GCNT2: variants seen among roughly 807,000 people sequenced by gnomAD.
The protein encoded by GCNT2 is N-acetyllactosaminide beta-1,6-N-acetylglucosaminyl-transferase.
In GCNT2, 34 loss-of-function variants were observed where a neutral mutation model predicts 34.2. That is an observed-to-expected ratio of 1.00 (90% confidence interval 0.76 to 1.32). The LOEUF (loss-of-function observed/expected upper bound fraction) is 1.32, where lower values mean the gene tolerates loss of function less well. Ranked by LOEUF, GCNT2 falls within the 40% of genes most tolerant of loss-of-function variation. The pLI, the probability that GCNT2 is intolerant of heterozygous loss-of-function variation, is 0.00. For missense variants in GCNT2, 584 were observed against 489.4 expected, an observed-to-expected ratio of 1.19 and a Z score of -1.82; for synonymous variants, 212 against 188.0, an observed-to-expected ratio of 1.13 and a Z score of -1.04.
intron 4 of GCNT2, among the ~76,000 whole-genome samples, chr6:10,626,081 T>A (rs1298427624): frequency 6.6e-6 from 1 of 152,206 alleles, no homozygotes; most frequent in Non-Finnish European, 1.5e-5. Flanking sequence ...TTACTGTACA[T>A]GAATGACCTT....
chr6:10,584,051 G>T (rs1226674133), intron 3 of GCNT2, among the ~76,000 whole-genome samples: 9 of 152,196 alleles, frequency 5.9e-5, no homozygotes, highest in African/African-American at 2.2e-4. Context: ...GGCCCTGGGG[G>T]ACCGGCGCTT....
intron 3 of GCNT2, among the ~76,000 whole-genome samples, chr6:10,551,911 C>G (rs1239921860): frequency 6.6e-6 from 1 of 151,914 alleles, no homozygotes; most frequent in African/African-American, 2.4e-5. Context: ...GTGCCCGCCA[C>G]CATGCCCAGC....
chr6:10,522,924 T>C (rs563712131), intron 1 of GCNT2, among the ~76,000 whole-genome samples: 2 of 152,254 alleles, frequency 1.3e-5, no homozygotes, highest in African/African-American at 4.8e-5. Flanking sequence ...ACAGTAAAAT[T>C]AGACTTAAAA....
At chr6:10,596,221 G>T (rs762889235) in intron 3 of GCNT2, among the ~76,000 whole-genome samples, 5 of 152,080 alleles carry the variant, frequency 3.3e-5, no homozygotes, top group Admixed American at 6.6e-5. Context: ...GGCAGAATGC[G>T]GTTTGTTAAG....
chr6:10,563,652 G>A (rs1438716518), intron 3 of GCNT2, among the ~76,000 whole-genome samples: 1 of 151,146 alleles, frequency 6.6e-6, no homozygotes, highest in Non-Finnish European at 1.5e-5. Context: ...TGAGGCAGGA[G>A]AATCGCTTGA....
intron 3 of GCNT2, among the ~76,000 whole-genome samples, chr6:10,547,035 A>T (rs1283964936): frequency 2.0e-5 from 3 of 152,230 alleles, no homozygotes; most frequent in Admixed American, 6.5e-5. Flanking sequence ...ATTTCCTTTG[A>T]CCTTTTATTT....
At chr6:10,521,691 G>A (rs1760923570) in intron 1 of GCNT2, 1 of 150,106 alleles carries the variant, frequency 6.7e-6, no homozygotes, top group African/African-American at 2.5e-5. Flanking sequence ...TTTGTATGTT[G>A]TTTCATTACA....
rs573552933 is a variant in GCNT2 at position 10,548,403 on chromosome 6, G to A, written c.925+18567G>A. Among the ~76,000 whole-genome samples the A allele has an allele frequency of 1.2e-3, 182 of 152,258 alleles. 4 individuals are homozygous for A. The Middle Eastern group carries it at 0.054, about 46-fold the overall frequency. ...AGAGCAAGAGCTTGGGAACAAAGCCGTTCACATTCAGGTCTTGGGTCAGCC... is the reference window on the plus strand; with the variant it reads ...AGAGCAAGAGCTTGGGAACAAAGCCATTCACATTCAGGTCTTGGGTCAGCC... On this transcript the variant is annotated intron_variant, in intron 3 of 4. Transcript: ENST00000495262.
intron 3 of GCNT2, among the ~76,000 whole-genome samples, chr6:10,566,974 T>A (rs1455195818): frequency 6.6e-6 from 1 of 152,212 alleles, no homozygotes; most frequent in Non-Finnish European, 1.5e-5. Flanking sequence ...ACATAGCTCG[T>A]CTGCTCAAAC....
chr6:10,601,621 T>C (rs1035936904), intron 3 of GCNT2, among the ~76,000 whole-genome samples: 3 of 152,164 alleles, frequency 2.0e-5, no homozygotes, highest in Non-Finnish European at 2.9e-5. Flanking sequence ...TCCATAATTC[T>C]GTTTCTAAAA....
intron 3 of GCNT2, among the ~76,000 whole-genome samples, chr6:10,591,392 A>C (rs1764634981): frequency 6.6e-6 from 1 of 152,220 alleles, no homozygotes; most frequent in Admixed American, 6.5e-5. Context: ...AACAGTAGGT[A>C]AAACTCCACA....
At chr6:10,582,398 T>C (rs1471859280) in intron 3 of GCNT2, among the ~76,000 whole-genome samples, 1 of 123,176 alleles carries the variant, frequency 8.1e-6, no homozygotes, top group Non-Finnish European at 1.6e-5. Context: ...TTATATACTA[T>C]AATAAATAGT....
chr6:10,596,844 C>T (rs1454712330), intron 3 of GCNT2, among the ~76,000 whole-genome samples: 3 of 151,938 alleles, frequency 2.0e-5, no homozygotes, highest in Non-Finnish European at 4.4e-5. Context: ...CGTATTCTCA[C>T]AGAGGCTTCT....
In GCNT2 at chr6:10,627,244, A is replaced by G. The variant is rs886060905; in HGVS notation, c.*637A>G. ...GACAGAATTCACTGTCTGTTGCTTC[A>G]GTAAAAGGACCTCGGGGAATAAAAC... On this transcript the variant is annotated 3_prime_UTR_variant, in exon 5 of 5. Transcript: ENST00000495262. 2.6e-5 allele frequency: 4 copies of G among 152,640 alleles called. No individual in the cohort carries two copies. The East Asian group carries it at 7.7e-4, about 29-fold the overall frequency. The allele number at this position is 152,640 out of a possible 1,614,324, so 9.5% of individuals were successfully genotyped here.
chr6:10,599,680 C>T (rs1407109477), intron 3 of GCNT2, among the ~76,000 whole-genome samples: 1 of 152,180 alleles, frequency 6.6e-6, no homozygotes, highest in Non-Finnish European at 1.5e-5. Flanking sequence ...AGCTTACGAT[C>T]TTGGACAGAT....
intron 4 of GCNT2, chr6:10,621,727 A>C (rs1766047007): frequency 2.6e-6 from 1 of 391,046 alleles, no homozygotes; most frequent in East Asian, 6.2e-5. Flanking sequence ...TTCTTTCTTT[A>C]GAGACAGGGT....
intron 3 of GCNT2, among the ~76,000 whole-genome samples, chr6:10,616,518 G>C (rs1275518032): frequency 6.6e-6 from 1 of 152,024 alleles, no homozygotes; most frequent in East Asian, 1.9e-4. Context: ...AGACACAAAA[G>C]TTCTCCACCT....
At position 10,538,567 on chromosome 6, in the gene GCNT2, A is replaced by T. The variant is rs187205933; in HGVS notation, c.925+8731A>T. On this transcript the variant is annotated intron_variant, in intron 3 of 4. Coordinates refer to ENST00000495262, the MANE Select transcript of GCNT2 (RefSeq NM_145649.5). ...TCATGGCATCTATGTTTTGTTATGG[A>T]ATAACAGGCTTAGTTGCTGAAAGTC... 4.0e-3 allele frequency among the ~76,000 whole-genome samples: 601 copies of T among 151,464 alleles called. 2 individuals carry two copies. Among genetic ancestry groups the T allele is most frequent in the African/African-American group, 0.014 (580 of 41,196 alleles).
intron 3 of GCNT2, among the ~76,000 whole-genome samples, chr6:10,605,523 T>TA (rs1256337520): frequency 1.3e-5 from 2 of 151,880 alleles, no homozygotes; most frequent in Admixed American, 6.6e-5. Context: ...TAGGATATTT[T>TA]AAAAAAATAC....
Sources: gnomAD v4.1 joint callset for allele counts (sites outside exome capture counted in the v4.1 genomes callset) on GRCh38, gnomAD v4.1.1 for gene constraint, MANE v1.5 for transcripts, NCBI Gene and HGNC (gene_info 2026-07-23, HGNC 2026-07-21) for gene names.